The following CIITA variants were observed in gnomAD, a reference collection of about 807,000 sequenced individuals.
CIITA encodes the protein class II major histocompatibility complex transactivator.
CIITA carries 72 observed loss-of-function variants against 115.1 expected under a neutral mutation model. The observed-to-expected ratio is 0.63, with a 90% CI of 0.52 to 0.76. CIITA has a LOEUF of 0.76. CIITA is among the 30% of genes least tolerant of loss of function. The probability of loss-of-function intolerance (pLI) is 0.00; values close to 1 mark genes in which losing one functional copy is unlikely to be tolerated. For synonymous variants in CIITA, 763 were observed against 635.6 expected, an observed-to-expected ratio of 1.20 and a Z score of -3.02; for missense variants, 1,617 against 1,463.8, an observed-to-expected ratio of 1.10 and a Z score of -1.71.
Position 10,903,895 on chromosome 16 carries a change from G to C in CIITA, c.937G>C (p.Glu313Gln), listed in dbSNP as rs1289820284. ...CCTGACCTCCCGAGCAAACATGACA[G>C]GTAAGGACCCTTAGGGCCTGTGAGA... ...PALTSRANMT[E>Q]HKTSPTQCPA... Residue 313 changes from glutamate (E) to glutamine (Q), a missense_variant and splice_region_variant, in exon 9 of 20, where the codon GAG (glutamate) becomes CAG (glutamine). Coordinates refer to ENST00000324288, the MANE Select transcript of CIITA (RefSeq NM_000246.4). 1.9e-6 allele frequency: 3 copies of C among 1,614,186 alleles called. No homozygotes were observed. Among genetic ancestry groups the C allele is most frequent in the Admixed American group, 1.7e-5 (1 of 60,026 alleles).
Position 10,918,422 on chromosome 16 carries a change from C to A in CIITA, c.3063-18C>A, listed in dbSNP as rs765833310. ...GCAAGTTTGGTCCTGAGCCCTCCCC[C>A]TCACTGTGTCCCCGCAGTCTGTCCC... is the stretch of plus-strand genomic sequence containing the variant. On this transcript the variant is annotated intron_variant, in intron 15 of 19. Transcript: ENST00000324288. The A allele has an allele frequency of 6.2e-7, 1 of 1,612,654 alleles. No homozygotes were observed.
chr16:10,939,732 C>A (rs1316052372), downstream of CIITA: 1 of 152,256 alleles, frequency 6.6e-6, no homozygotes, highest in African/African-American at 2.4e-5. The surrounding 1 kb of genome is among the most constrained non-coding windows in gnomAD (Gnocchi z 4.9). Context: ...TACTAGAGGC[C>A]AGGCACAGTT....
intron 4 of CIITA, 93 bp from the exon 5 acceptor site, chr16:10,898,832 A>C: frequency 1.3e-6 from 2 of 1,589,016 alleles, no homozygotes; most frequent in South Asian, 2.2e-5. Context: ...ATTGATGGGC[A>C]GTCAGACCCC....
intron 1 of CIITA, among the ~76,000 whole-genome samples, chr16:10,866,859 C>G (rs187670461): frequency 6.6e-6 from 1 of 152,190 alleles, no homozygotes; most frequent in Non-Finnish European, 1.5e-5. Flanking sequence ...CCAACATTAA[C>G]GGGGCATGGA....
intron 13 of CIITA, chr16:10,915,056 T>G (rs35721788): frequency 2.2e-6 from 1 of 455,436 alleles, no homozygotes; most frequent in South Asian, 1.6e-5. Context: ...TCTTTTTTTG[T>G]TTTTTTTCTT....
At chr16:10,897,026 A>G (rs576504486) in intron 3 of CIITA, among the ~76,000 whole-genome samples, 1 of 152,220 alleles carries the variant, frequency 6.6e-6, no homozygotes, top group Non-Finnish European at 1.5e-5. Context: ...GGCATGTCAT[A>G]GGATTTGGGT....
At chr16:10,922,870 A>G (rs2040350464) in intron 18 of CIITA, 2 of 496,652 alleles carry the variant, frequency 4.0e-6, no homozygotes, top group South Asian at 4.5e-5. Flanking sequence ...CATGATGTCC[A>G]ATACTGGTTA....
At chr16:10,900,682 G>GTGAGCCAAGAT (rs1192896488) in intron 5 of CIITA, among the ~76,000 whole-genome samples, 3 of 151,854 alleles carry the variant, frequency 2.0e-5, no homozygotes, top group African/African-American at 7.3e-5. Flanking sequence ...AGAGGTTGCA[G>GTGAGCCAAGAT]TGAGCCAAGA....
chr16:10,895,792 G>T, intron 3 of CIITA, 28 bp downstream of exon 3: 2 of 1,607,904 alleles, frequency 1.2e-6, no homozygotes, highest in South Asian at 2.2e-5. Context: ...CCCAGAAAAG[G>T]ACAATCAAGG....
chr16:10,893,166 G>A (rs2037767875), intron 1 of CIITA, among the ~76,000 whole-genome samples: 2 of 152,168 alleles, frequency 1.3e-5, no homozygotes, highest in South Asian at 4.1e-4. Flanking sequence ...CTCCCCTCGA[G>A]CCTCCAGAGG....
Position 10,922,477 on chromosome 16 carries a change from G to C in CIITA, c.3304G>C (p.Val1102Leu), listed in dbSNP as rs1224062841. 6.2e-7 allele frequency: 1 copy of C among 1,614,074 alleles called. No individual in the cohort carries two copies. Among genetic ancestry groups the C allele is most frequent in the Admixed American group, 1.7e-5 (1 of 60,024 alleles). Residue 1102 changes from valine (V) to leucine (L), a missense_variant, in exon 18 of 20, where the codon GTG becomes CTG. Coordinates refer to ENST00000324288, the MANE Select transcript of CIITA (RefSeq NM_000246.4). ...LAASLRRCPH[V>L]ETLAMWTPTI... ...TGCCAGCCTTCGGAGGTGTCCTCAT[G>C]TGGAGACGCTGGCGTAAGTCCAGGC...
rs2039130659 is a variant in CIITA at position 10,906,101 on chromosome 16, G to C, written c.1007-398G>C. Among the ~76,000 whole-genome samples the C allele has an allele frequency of 3.3e-5, 5 of 152,006 alleles. No homozygotes were observed. In the South Asian group the frequency reaches 1.0e-3, roughly 31 times the overall value. On this transcript the variant is annotated intron_variant, in intron 10 of 19. Coordinates refer to ENST00000324288, the MANE Select transcript of CIITA (RefSeq NM_000246.4). ...CCAGCTACTCAGGAGGCTGAGGTGGGAGGATTGCTTGAGCCTGTGAGGTTG... is the reference window on the plus strand; with the variant it reads ...CCAGCTACTCAGGAGGCTGAGGTGGCAGGATTGCTTGAGCCTGTGAGGTTG...
At chr16:10,913,257 T>TCTTTCTTTCTTTCCCTC (rs959650791) in intron 13 of CIITA, among the ~76,000 whole-genome samples, 1 of 110,382 alleles carries the variant, frequency 9.1e-6, no homozygotes, top group Non-Finnish European at 2.0e-5. Flanking sequence ...CCTGTTTCTT[T>TCTTTCTTTCTTTCCCTC]CTTTCTTTCT....
chr16:10,900,013 G>T (rs1221534942), intron 5 of CIITA, among the ~76,000 whole-genome samples: 1 of 152,012 alleles, frequency 6.6e-6, no homozygotes, highest in Middle Eastern at 3.2e-3. Flanking sequence ...CCCAGGAGGT[G>T]GAGGTTGCAG....
At chr16:10,881,257 C>T (rs1313301367) in intron 1 of CIITA, among the ~76,000 whole-genome samples, 1 of 151,264 alleles carries the variant, frequency 6.6e-6, no homozygotes, top group Non-Finnish European at 1.5e-5. Context: ...GAGATTGCAC[C>T]ACTGCACGCC....
In CIITA at chr16:10,906,504, G is replaced by A. The variant is rs377634337; in HGVS notation, c.1012G>A (p.Val338Met). ...SNKLPKWPEP[V>M]EQFYRSLQDT... ...CACGCCCCTGGCCTTTGCAGAGCCG[G>A]TGGAGCAGTTCTACCGCTCACTGCA... Residue 338 changes from valine to methionine, a missense_variant, in exon 11 of 20, where the codon GTG becomes ATG. Transcript: ENST00000324288. The A allele has an allele frequency of 3.8e-5, 61 of 1,611,680 alleles. No individual in the cohort carries two copies. The highest frequency in any genetic ancestry group is 4.5e-5 in the Non-Finnish European group (53 of 1,179,892).
chr16:10,896,651 G>T (rs1435782175), intron 3 of CIITA, among the ~76,000 whole-genome samples: 1 of 152,194 alleles, frequency 6.6e-6, no homozygotes, highest in Non-Finnish European at 1.5e-5. Context: ...GTAACTGCTT[G>T]GCTAGCAAAG....
chr16:10,909,310 C>A, intron 12 of CIITA, 123 bp downstream of exon 12: 1 of 1,017,462 alleles, frequency 9.8e-7, no homozygotes, highest in Non-Finnish European at 1.5e-6. Flanking sequence ...CCCATGCCCT[C>A]TTTCTGGGCA....
At chr16:10,886,256 A>G (rs983726014) in intron 1 of CIITA, among the ~76,000 whole-genome samples, 1 of 151,914 alleles carries the variant, frequency 6.6e-6, no homozygotes, top group Non-Finnish European at 1.5e-5. Flanking sequence ...TTACTTTTGC[A>G]TTCTGTACTA....
Sources: allele counts gnomAD v4.1 joint callset (sites outside exome capture counted in the v4.1 genomes callset), GRCh38; gene constraint gnomAD v4.1.1; non-coding constraint Gnocchi (gnomAD v3.1); transcripts MANE v1.5; gene names NCBI Gene and HGNC (gene_info 2026-07-23, HGNC 2026-07-21).